TMEM210: variants seen among roughly 807,000 people sequenced by gnomAD.
The protein encoded by TMEM210 is transmembrane protein 210.
A neutral mutation model predicts 10.3 loss-of-function variants in TMEM210; 7 were observed. That is an observed-to-expected ratio of 0.68 (90% confidence interval 0.39 to 1.28). TMEM210 has a LOEUF of 1.28. Ranked by LOEUF, TMEM210 falls within the 50% of genes most tolerant of loss-of-function variation. TMEM210 has a pLI of 0.01. For synonymous variants in TMEM210, 79 were observed against 81.2 expected, an observed-to-expected ratio of 0.97 and a Z score of 0.14; for missense variants, 185 against 197.8, an observed-to-expected ratio of 0.94 and a Z score of 0.39.
rs1564371973 is a variant in TMEM210 at position 137,171,109 on chromosome 9, CGTAAACCGG to C, written c.301_309del (p.Pro101_Tyr103del). 5 of 1,535,400 alleles carry C rather than the reference CGTAAACCGG, an allele frequency of 3.3e-6. No homozygotes were observed. In the South Asian group the frequency reaches 5.9e-5, roughly 18 times the overall value. The stretch of plus-strand genomic sequence containing the variant: ...TCAGCGTCCATTAGCTGGGACTCCA[CGTAAACCGG>C]GTGCAGGTCCATGAGATCTTCCTGG... On this transcript the variant is annotated inframe_deletion, in exon 4 of 4. Transcript: ENST00000413619.
At position 137,172,018 on chromosome 9, in the gene TMEM210, C is replaced by T. The variant is rs769066810; in HGVS notation, c.10G>A (p.Gly4Ser). 50 of 1,398,142 alleles carry T rather than the reference C, an allele frequency of 3.6e-5. No homozygotes were observed. Among genetic ancestry groups the T allele is most frequent in the African/African-American group, 7.3e-5 (5 of 68,430 alleles). The allele number at this position is 1,398,142 out of a possible 1,614,324, so 86.6% of individuals were successfully genotyped here. A position where few individuals can be genotyped will look rare whatever the true frequency, so the allele number is the denominator to read the frequency against. ...CGCAGGCAGGACACAGGCCAGGGAC[C>T]GGGGGCCATGTCCAGCCCTGGCCCC... MAP[G>S]PWPVSCLRGG... Residue 4 changes from glycine (G) to serine (S), a missense_variant, in exon 1 of 4, where the codon GGT becomes AGT. Physicochemically the swap from Gly to Ser is moderately conservative, Grantham distance 56. Coordinates refer to ENST00000413619, the MANE Select transcript of TMEM210 (RefSeq NM_001282477.2).
chr9:137,171,740 C>T lies in TMEM210; in HGVS notation c.125G>A (p.Arg42His), dbSNP rs772030467. The change falls in exon 2 of 4, where the codon CGC (arginine) becomes CAC (histidine). Residue 42 changes from arginine (R) to histidine (H), a missense_variant. Arg to His is a conservative substitution (Grantham distance 29). Coordinates refer to ENST00000413619, the MANE Select transcript of TMEM210 (RefSeq NM_001282477.2). ...CACAAGGAGGGCGATGAGGGCCTCG[C>T]GGCTGAGGCCAAGGCTGCATTCACA... ...TYCECSLGLSREALIALLVVL... is the reference protein window; with the variant it reads ...TYCECSLGLSHEALIALLVVL... The T allele has an allele frequency of 4.4e-5, 67 of 1,535,092 alleles. No individual in the cohort carries two copies. Among genetic ancestry groups the T allele is most frequent in the African/African-American group, 2.6e-4 (19 of 73,054 alleles).
At chr9:137,171,617 C>T (rs867410566) in intron 2 of TMEM210, 24 bp downstream of exon 2, 3 of 1,529,924 alleles carry the variant, frequency 2.0e-6, no homozygotes, top group Admixed American at 2.0e-5. Context: ...CTCCCATCCT[C>T]TCCCGGCCCC....
chr9:137,171,506 A>C (rs754007044), intron 2 of TMEM210, 63 bp from the exon 3 acceptor site: 56 of 1,535,180 alleles, frequency 3.6e-5, no homozygotes, highest in Non-Finnish European at 4.9e-5. Flanking sequence ...CTCCCCCAGC[A>C]CACGCCTAGG....
chr9:137,171,294 A>G, intron 3 of TMEM210, 120 bp downstream of exon 3: 1 of 1,490,486 alleles, frequency 6.7e-7, no homozygotes. Context: ...CAGGGACAGC[A>G]CCCCTCCTCC....
At chr9:137,171,531 C>A (rs962565203) in intron 2 of TMEM210, 88 bp from the exon 3 acceptor site, 1 of 1,533,814 alleles carries the variant, frequency 6.5e-7, no homozygotes, top group African/African-American at 1.4e-5. Context: ...GCCATTCCTA[C>A]CCCAGGTGAC....
rs1463530175 is a variant in TMEM210 at position 137,171,769 on chromosome 9, G to A, written c.96C>T (p.Thr32=). ...SLLLIPAAAG[T]YCECSLGLSR... is the part of the protein sequence containing the mutation. The stretch of plus-strand genomic sequence containing the variant: ...TGAGGCCAAGGCTGCATTCACAGTA[G>A]GTTCCAGCTGCAGAGACAGGGCCAC... Residue 32 remains threonine, a synonymous_variant, in exon 2 of 4, where the codon ACC becomes ACT. Transcript: ENST00000413619. The A allele has an allele frequency of 1.3e-6, 2 of 1,530,614 alleles. No homozygotes were observed. The highest frequency in any genetic ancestry group is 1.4e-5 in the African/African-American group (1 of 72,928). 94.8% of individuals were successfully genotyped at this position (1,530,614 alleles called of 1,614,324 possible).
intron 3 of TMEM210, 45 bp from the exon 4 acceptor site, chr9:137,171,209 C>A (rs1395454538): frequency 1.3e-6 from 2 of 1,518,070 alleles, no homozygotes; most frequent in African/African-American, 2.8e-5. Flanking sequence ...AGTCCTTGTT[C>A]CCCCAGGACA....
Position 137,171,459 on chromosome 9 carries a change from C to T in TMEM210, c.225-16G>A. ...GCATGTTTCACTGAGGGGACGAAGG[C>T]CAACATGAGTCCTGGAACAGTGCTG... On this transcript the variant is annotated splice_polypyrimidine_tract_variant and intron_variant, in intron 2 of 3. Transcript: ENST00000413619. The T allele has an allele frequency of 6.5e-7, 1 of 1,535,546 alleles. No individual in the cohort carries two copies. The highest frequency in any genetic ancestry group is 1.4e-5 in the African/African-American group (1 of 73,112).
intron 1 of TMEM210, 32 bp from the exon 2 acceptor site, chr9:137,171,808 G>C: frequency 6.7e-7 from 1 of 1,492,534 alleles, no homozygotes. Flanking sequence ...GCCATGGGCC[G>C]GTCACCTGCC....
At position 137,170,904 on chromosome 9, in the gene TMEM210, G is replaced by A; in HGVS notation, c.*71C>T. Reference sequence around the variant, plus strand: ...CCCCTCCCCCAGCTGCCCTCAGGAGGGCCTGCAGGGAGGACAGTGCACAGC... The same window carrying A: ...CCCCTCCCCCAGCTGCCCTCAGGAGAGCCTGCAGGGAGGACAGTGCACAGC... On this transcript the variant is annotated 3_prime_UTR_variant, in exon 4 of 4. Coordinates refer to ENST00000413619, the MANE Select transcript of TMEM210 (RefSeq NM_001282477.2). The A allele has an allele frequency of 7.0e-7, 1 of 1,426,992 alleles. No individual in the cohort carries two copies. 88.4% of individuals were successfully genotyped at this position (1,426,992 alleles called of 1,614,324 possible). A position where few individuals can be genotyped will look rare whatever the true frequency, so the allele number is the denominator to read the frequency against.
rs114103459 is a variant in TMEM210, at chr9:137,170,993, C to T, written c.426G>A (p.Pro142=). 1.2e-3 allele frequency: 1,906 copies of T among 1,533,742 alleles called. 16 individuals carry two copies. The African/African-American group carries it at 0.023, about 19-fold the overall frequency. ...CAGCCCTCTACTCAGGTGGTAGGGG[C>T]GGGGGTGGTGGCGGCTCCTCTGAAG... ...EASSEEPPPP[P]PLPPE Residue 142 remains proline (P), a synonymous_variant, in exon 4 of 4, where the codon CCG becomes CCA. Transcript: ENST00000413619.
intron 1 of TMEM210, 42 bp downstream of exon 1, chr9:137,171,898 G>A (rs1348142172): frequency 1.4e-6 from 2 of 1,434,976 alleles, no homozygotes; most frequent in African/African-American, 1.4e-5. Flanking sequence ...TGGGGAAGGG[G>A]AGCCATGGCT....
At chr9:137,171,816 GCCTGCAGAGGGCCC>G in intron 1 of TMEM210, 40 bp from the exon 2 acceptor site, 1 of 1,482,392 alleles carries the variant, frequency 6.7e-7, no homozygotes, top group East Asian at 2.5e-5. Flanking sequence ...CCGGTCACCT[GCCTGCAGAGGGCCC>G]CCAAGTCTGC....
intron 3 of TMEM210, 103 bp from the exon 4 acceptor site, chr9:137,171,267 C>T (rs1834101551): frequency 2.7e-6 from 4 of 1,472,726 alleles, no homozygotes; most frequent in Non-Finnish European, 3.7e-6. Context: ...TCCCTTGGGA[C>T]AGCACACCTC....
rs1209529828 is a variant in TMEM210, at chr9:137,171,659, C to T, written c.206G>A (p.Gly69Asp). 6 of 1,535,132 alleles carry T rather than the reference C, an allele frequency of 3.9e-6. No homozygotes were observed. Among genetic ancestry groups the T allele is most frequent in the South Asian group, 1.2e-5 (1 of 83,948 alleles). ...CACGCACCCCTTGGCCCGCAAGACA[C>T]CAATTGCCACGATGACGAGGGCACA... is the stretch of plus-strand genomic sequence containing the variant. ...CFCALVIVAI[G>D]VLRAKGETCP... Residue 69 changes from glycine to aspartate, a missense_variant, in exon 2 of 4, where the codon GGT becomes GAT. By Grantham distance (94) the Gly-to-Asp change is moderately conservative. Coordinates refer to ENST00000413619, the MANE Select transcript of TMEM210 (RefSeq NM_001282477.2).
Position 137,171,068 on chromosome 9 carries a change from C to T in TMEM210, c.351G>A (p.Leu117=), listed in dbSNP as rs910699352. The T allele has an allele frequency of 1.3e-6, 2 of 1,535,372 alleles. No homozygotes were observed. Among genetic ancestry groups the T allele is most frequent in the South Asian group, 2.4e-5 (2 of 84,046 alleles). Reference sequence around the variant, plus strand: ...GGCTCTGATCCTCTAGTGGTGGCACCAGGGAGACCTCCAGGTCAGCGTCCA... The same window carrying T: ...GGCTCTGATCCTCTAGTGGTGGCACTAGGGAGACCTCCAGGTCAGCGTCCA... ...QLMDADLEVS[L]VPPLEDQSLV... Residue 117 remains leucine (L), a synonymous_variant, in exon 4 of 4, where the codon CTG becomes CTA. Transcript: ENST00000413619.
chr9:137,171,173 C>T lies in TMEM210; in HGVS notation c.255-9G>A, dbSNP rs1000093890. ...CAAAATTCTCCACCAACCTGCATGA[C>T]GGGCCGGGTCATCACGAGCTGGTAG... On this transcript the variant is annotated splice_polypyrimidine_tract_variant and intron_variant, in intron 3 of 3. Coordinates refer to ENST00000413619, the MANE Select transcript of TMEM210 (RefSeq NM_001282477.2). 88 of 1,533,194 alleles carry T rather than the reference C, an allele frequency of 5.7e-5. No homozygotes were observed. The highest frequency in any genetic ancestry group is 1.7e-4 in the Middle Eastern group (1 of 5,990). 95.0% of individuals were successfully genotyped at this position (1,533,194 alleles called of 1,614,324 possible).
rs747227809 is a variant in TMEM210, at chr9:137,171,675, C to T, written c.190G>A (p.Val64Ile). The T allele has an allele frequency of 5.6e-5, 86 of 1,535,298 alleles. No homozygotes were observed. Among genetic ancestry groups the T allele is most frequent in the Admixed American group, 1.4e-4 (7 of 50,946 alleles). ...CGCAAGACACCAATTGCCACGATGACGAGGGCACAGAAGCAGCTGGCACTG... is the reference window on the plus strand; with the variant it reads ...CGCAAGACACCAATTGCCACGATGATGAGGGCACAGAAGCAGCTGGCACTG... The part of the protein sequence containing the change: ...GISASCFCAL[V>I]IVAIGVLRAK... The change falls in exon 2 of 4, where the codon GTC becomes ATC. Residue 64 changes from valine to isoleucine, a missense_variant. Coordinates refer to ENST00000413619, the MANE Select transcript of TMEM210 (RefSeq NM_001282477.2).
Sources: allele counts gnomAD v4.1 joint callset, GRCh38; gene constraint gnomAD v4.1.1; transcripts MANE v1.5; gene names NCBI Gene and HGNC (gene_info 2026-07-23, HGNC 2026-07-21).